WWOX: variants seen among roughly 807,000 people sequenced by gnomAD.
WWOX encodes WW domain containing oxidoreductase.
In WWOX, 69 loss-of-function variants were observed where a neutral mutation model predicts 46.2. The ratio of observed to expected loss-of-function variants is 1.49; its 90% CI spans 1.23 to 1.82. The LOEUF (loss-of-function observed/expected upper bound fraction) is 1.82. WWOX is among the 40% of genes most tolerant of loss of function. The pLI is 0.00. For missense variants in WWOX, 919 were observed against 542.6 expected (o/e 1.69, Z -6.89); for synonymous variants, 359 against 202.6 (o/e 1.77, Z -6.56).
intron 5 of WWOX, among the ~76,000 whole-genome samples, chr16:78,339,738 A>G (rs1597061452): frequency 8.5e-6 from 1 of 117,706 alleles, no homozygotes; most frequent in South Asian, 2.6e-4. Context: ...AGAGTTTTAA[A>G]TTCTATTTTG....
At chr16:78,934,559 T>C (rs967121961) in intron 8 of WWOX, among the ~76,000 whole-genome samples, 2 of 145,978 alleles carry the variant, frequency 1.4e-5, no homozygotes, top group African/African-American at 2.5e-5. Context: ...ACCAAGAAAC[T>C]TACAGAGAAC....
chr16:78,546,719 T>C (rs1423180752), intron 8 of WWOX, among the ~76,000 whole-genome samples: 1 of 152,184 alleles, frequency 6.6e-6, no homozygotes, highest in Non-Finnish European at 1.5e-5. Context: ...GTTCTTCTGG[T>C]ACTGATTGTC....
At chr16:78,375,091 A>G (rs1225719168) in intron 5 of WWOX, among the ~76,000 whole-genome samples, 1 of 152,234 alleles carries the variant, frequency 6.6e-6, no homozygotes, top group Non-Finnish European at 1.5e-5. Flanking sequence ...ACATTTAAAA[A>G]TATTTTCCAG....
chr16:78,240,495 C>G (rs966816117), intron 5 of WWOX, among the ~76,000 whole-genome samples: 1 of 152,082 alleles, frequency 6.6e-6, no homozygotes, highest in African/African-American at 2.4e-5. Context: ...AAGGAGTCAC[C>G]CCTGCCAACA....
chr16:78,796,381 T>TA (rs2050738032), intron 8 of WWOX, among the ~76,000 whole-genome samples: 1 of 152,172 alleles, frequency 6.6e-6, no homozygotes, highest in Non-Finnish European at 1.5e-5. Context: ...TCCAAGGAGT[T>TA]ATTATAGGTC....
At chr16:78,170,215 G>A (rs2035111088) in intron 5 of WWOX, among the ~76,000 whole-genome samples, 11 of 152,170 alleles carry the variant, frequency 7.2e-5, no homozygotes, top group Admixed American at 5.2e-4. Flanking sequence ...AAAACATGCT[G>A]TATTATAGTG....
At chr16:78,961,880 C>G (rs865854592) in intron 8 of WWOX, among the ~76,000 whole-genome samples, 1 of 152,152 alleles carries the variant, frequency 6.6e-6, no homozygotes, top group African/African-American at 2.4e-5. Context: ...TTCTGTGGTT[C>G]CACATTGACT....
At chr16:79,039,930 G>T (rs2047939233) in intron 8 of WWOX, among the ~76,000 whole-genome samples, 1 of 152,158 alleles carries the variant, frequency 6.6e-6, no homozygotes, top group Admixed American at 6.5e-5. Flanking sequence ...GGGTTCTCTT[G>T]AGTACATCTG....
chr16:78,830,115 A>C (rs545736407), intron 8 of WWOX, among the ~76,000 whole-genome samples: 1 of 152,106 alleles, frequency 6.6e-6, no homozygotes, highest in Non-Finnish European at 1.5e-5. Flanking sequence ...AAAAATTTAC[A>C]TGAAAAAAAA....
intron 5 of WWOX, among the ~76,000 whole-genome samples, chr16:78,198,360 G>A (rs2036123398): frequency 1.3e-5 from 2 of 152,144 alleles, no homozygotes; most frequent in African/African-American, 4.8e-5. Context: ...ACACATGCAA[G>A]GTAATATTTG....
At position 78,845,049 on chromosome 16, in the gene WWOX, C is replaced by G. The variant is rs117594900; in HGVS notation, c.1057-366559C>G. ...GTGAAGCGGTTGGAAAAGCTACAGA[C>G]AAATGGAAAACCTTCATTCCAAAGG... is the stretch of plus-strand genomic sequence containing the variant. On this transcript the variant is annotated intron_variant, in intron 8 of 8. Coordinates refer to ENST00000566780, the MANE Select transcript of WWOX (RefSeq NM_016373.4). Among the ~76,000 whole-genome samples, 16 of 152,022 alleles carry G rather than the reference C, an allele frequency of 1.1e-4. 1 individual carries two copies. In the East Asian group the frequency reaches 3.1e-3, roughly 29 times the overall value.
intron 8 of WWOX, among the ~76,000 whole-genome samples, chr16:78,541,703 C>A (rs893645710): frequency 6.6e-6 from 1 of 151,764 alleles, no homozygotes; most frequent in Non-Finnish European, 1.5e-5. Flanking sequence ...AGCCTTTGTT[C>A]CCCTCCAGGT....
At chr16:78,602,819 TC>T (rs1362203618) in intron 8 of WWOX, among the ~76,000 whole-genome samples, 3 of 152,328 alleles carry the variant, frequency 2.0e-5, no homozygotes, top group African/African-American at 7.2e-5. Context: ...ATGCTATCAT[TC>T]TCTCCATTTT....
intron 1 of WWOX, among the ~76,000 whole-genome samples, chr16:78,104,210 G>C (rs545952659): frequency 7.0e-6 from 1 of 141,850 alleles, no homozygotes; most frequent in East Asian, 2.1e-4. Context: ...AGATCTCCCT[G>C]CTAACTTACA....
At chr16:78,438,832 A>C (rs117657897) in intron 8 of WWOX, among the ~76,000 whole-genome samples, 3 of 152,272 alleles carry the variant, frequency 2.0e-5, no homozygotes, top group Non-Finnish European at 4.4e-5. Context: ...TGGGCCGGCA[A>C]TGCTGGTCCT....
At chr16:78,103,102 G>T (rs912117207) in intron 1 of WWOX, among the ~76,000 whole-genome samples, 1 of 152,126 alleles carries the variant, frequency 6.6e-6, no homozygotes, top group African/African-American at 2.4e-5. Context: ...CCTTCCTGCT[G>T]CCTGGCCTTT....
At chr16:78,150,045 C>A (rs557917229) in intron 4 of WWOX, among the ~76,000 whole-genome samples, 1 of 152,284 alleles carries the variant, frequency 6.6e-6, no homozygotes, top group South Asian at 2.1e-4. Flanking sequence ...AGGGCTCAGT[C>A]CTACAGGATC....
intron 8 of WWOX, among the ~76,000 whole-genome samples, chr16:78,845,808 T>C (rs995492489): frequency 2.6e-5 from 4 of 152,234 alleles, no homozygotes; most frequent in Non-Finnish European, 4.4e-5. Context: ...TAAGCTGGCT[T>C]ATGTGGGCAC....
At chr16:78,894,985 C>G (rs773946106) in intron 8 of WWOX, among the ~76,000 whole-genome samples, 1 of 152,178 alleles carries the variant, frequency 6.6e-6, no homozygotes, top group Non-Finnish European at 1.5e-5. Context: ...ACTAGGTGTA[C>G]AGAAGCTGGA....
Sources: gnomAD v4.1 joint callset for allele counts (sites outside exome capture counted in the v4.1 genomes callset) on GRCh38, gnomAD v4.1.1 for gene constraint, MANE v1.5 for transcripts, NCBI Gene and HGNC (gene_info 2026-07-23, HGNC 2026-07-21) for gene names.